FAT1: variants seen among roughly 807,000 people sequenced by gnomAD.
The protein encoded by FAT1 is protocadherin Fat 1.
A neutral mutation model predicts 329.8 loss-of-function variants in FAT1; 171 were observed. The ratio of observed to expected loss-of-function variants is 0.52; its 90% CI spans 0.46 to 0.59. The LOEUF (loss-of-function observed/expected upper bound fraction) is 0.59. Among genes scored for constraint, FAT1 ranks in the 20% least tolerant of loss-of-function variants. FAT1 has a pLI of 0.00. For missense variants in FAT1, 5,672 were observed against 5,774.4 expected (o/e 0.98, Z 0.57); for synonymous variants, 2,233 against 2,228.6 (o/e 1.00, Z -0.06).
intron 1 of FAT1, 144 bp downstream of exon 1, chr4:186,723,520 C>G (rs1745556511): frequency 6.6e-6 from 1 of 152,276 alleles, no homozygotes; most frequent in Non-Finnish European, 1.5e-5. Context: ...CGAGTCACTC[C>G]ACCCTCCGGG....
At position 186,611,416 on chromosome 4, in the gene FAT1, G is replaced by T. The variant is rs771440856; in HGVS notation, c.9823C>A (p.His3275Asn). 1.1e-5 allele frequency: 18 copies of T among 1,613,082 alleles called. No individual in the cohort carries two copies. The East Asian group carries it at 3.6e-4, about 32-fold the overall frequency. The stretch of plus-strand genomic sequence containing the variant: ...TTAGAATCTATGCTGAATTTCCCAT[G>T]TTCATTTCCACTTATTATTGAGTAG... Reference protein sequence around the residue: ...ITYSIISGNEHGKFSIDSKTG... With the variant: ...ITYSIISGNENGKFSIDSKTG... The change falls in exon 14 of 27, where the codon CAT (histidine) becomes AAT (asparagine). Residue 3275 changes from histidine to asparagine, a missense_variant. Physicochemically the swap from His to Asn is moderately conservative, Grantham distance 68. Coordinates refer to ENST00000441802, the MANE Select transcript of FAT1 (RefSeq NM_005245.4).
At chr4:186,722,178 A>G (rs1745497967) in intron 1 of FAT1, among the ~76,000 whole-genome samples, 1 of 152,200 alleles carries the variant, frequency 6.6e-6, no homozygotes, top group Non-Finnish European at 1.5e-5. Context: ...TGTCCGGACC[A>G]TGGATTTAAA....
Position 186,609,840 on chromosome 4 carries a change from G to T in FAT1, c.10029C>A (p.Val3343=). 6.2e-7 allele frequency: 1 copy of T among 1,613,806 alleles called. No homozygotes were observed. Among genetic ancestry groups the T allele is most frequent in the South Asian group, 1.1e-5 (1 of 91,052 alleles). The change falls in exon 15 of 27, where the codon GTC becomes GTA. Residue 3343 remains valine (V), a synonymous_variant. Coordinates refer to ENST00000441802, the MANE Select transcript of FAT1 (RefSeq NM_005245.4). The part of the protein sequence containing the change: ...PVFSQDTYTT[V]ISEDAVLEQS... The stretch of plus-strand genomic sequence containing the variant: ...GCTCAAGAACGGCATCTTCACTGAT[G>T]ACTGTCGTGTAGGTGTCTTGGCTGA...
chr4:186,588,973 G>T lies in FAT1; in HGVS notation c.13386C>A (p.Ile4462=), dbSNP rs747112518. Residue 4462 remains isoleucine, a synonymous_variant, in exon 27 of 27, where the codon ATC becomes ATA. Transcript: ENST00000441802. ...PPEFSNQFES[I]HPPRDMPAAG... Reference sequence around the variant, plus strand: ...CGGCAGGCATGTCTCTAGGAGGGTGGATGGATTCAAACTGATTGCTGAATT... The same window carrying T: ...CGGCAGGCATGTCTCTAGGAGGGTGTATGGATTCAAACTGATTGCTGAATT... The T allele has an allele frequency of 2.0e-5, 32 of 1,613,976 alleles. No individual in the cohort carries two copies. The highest frequency in any genetic ancestry group is 2.7e-5 in the Non-Finnish European group (32 of 1,179,890).
In FAT1 at chr4:186,714,951, G is replaced by A. The variant is rs558665487; in HGVS notation, c.-18-5106C>T. On this transcript the variant is annotated intron_variant, in intron 1 of 26. Coordinates refer to ENST00000441802, the MANE Select transcript of FAT1 (RefSeq NM_005245.4). The stretch of plus-strand genomic sequence containing the variant: ...AAAGTAGCTGGGTGCGGTGGTGTGC[G>A]CCTGTAGTCCCAGCTACTTGGGAGG... Among the ~76,000 whole-genome samples, 12 of 152,174 alleles carry A rather than the reference G, an allele frequency of 7.9e-5. No homozygotes were observed. In the South Asian group the frequency reaches 8.3e-4, roughly 11 times the overall value.
rs2126403718 is a variant in FAT1, at chr4:186,598,137, A to G, written c.12104-12T>C. The G allele has an allele frequency of 3.2e-6, 5 of 1,587,186 alleles. No individual in the cohort carries two copies. The South Asian group carries it at 4.7e-5, about 15-fold the overall frequency. The stretch of plus-strand genomic sequence containing the variant: ...TTTGCAGTAATAACCTAAATCGGCA[A>G]AAAGGAACAAAAAAGTCCTATCACT... On this transcript the variant is annotated splice_polypyrimidine_tract_variant and intron_variant, in intron 22 of 26. Coordinates refer to ENST00000441802, the MANE Select transcript of FAT1 (RefSeq NM_005245.4).
intron 22 of FAT1, among the ~76,000 whole-genome samples, chr4:186,599,096 G>C (rs76400389): frequency 0.02 from 3,065 of 152,298 alleles, 41 homozygotes; most frequent in Non-Finnish European, 0.031. Context: ...TCATCCCTAA[G>C]TGACAAAATG....
At chr4:186,676,955 C>A (rs1742985068) in intron 2 of FAT1, among the ~76,000 whole-genome samples, 1 of 152,126 alleles carries the variant, frequency 6.6e-6, no homozygotes. Context: ...CTGACTGAAG[C>A]AAATAAAAGT....
In FAT1 at chr4:186,628,724, G is replaced by A. The variant is rs2126545340; in HGVS notation, c.4363C>T (p.Gln1455Ter). Residue 1455 changes from glutamine to a stop codon, truncating the protein, a stop_gained, in exon 8 of 27, where the codon CAG (glutamine) becomes TAG (stop). Transcript: ENST00000441802. LOFTEE classifies it high-confidence loss of function. Reference protein sequence around the residue: ...KVIDTNDHRPQFSTSKYEVVI... With the variant: ...KVIDTNDHRP ...ACTTCATACTTTGATGTAGAAAACT[G>A]AGGACGATGGTCATTTGTGTCTATT... 1 of 1,613,762 alleles carries A rather than the reference G, an allele frequency of 6.2e-7. No homozygotes were observed. Among genetic ancestry groups the A allele is most frequent in the Non-Finnish European group, 8.5e-7 (1 of 1,179,866 alleles).
chr4:186,597,889 G>T, intron 23 of FAT1, 83 bp downstream of exon 23: 1 of 1,561,494 alleles, frequency 6.4e-7, no homozygotes, highest in Non-Finnish European at 8.8e-7. Flanking sequence ...GCAAATTAAC[G>T]TGCAGACTTT....
chr4:186,684,497 C>G (rs1464654261), intron 2 of FAT1, among the ~76,000 whole-genome samples: 1 of 152,188 alleles, frequency 6.6e-6, no homozygotes, highest in Admixed American at 6.5e-5. Flanking sequence ...TCCGCCCGAA[C>G]ACTGCCATGC....
chr4:186,610,661 A>ATATAAAT lies in FAT1; in HGVS notation c.9854-647_9854-646insATTTATA, dbSNP rs1560931754. On this transcript the variant is annotated intron_variant, in intron 14 of 26. Coordinates refer to ENST00000441802, the MANE Select transcript of FAT1 (RefSeq NM_005245.4). ...ATTTATATAATTTATATAAATATAA[A>ATATAAAT]TTATATAATTTATATAAATATAAAT... Among the ~76,000 whole-genome samples the ATATAAAT allele has an allele frequency of 1.2e-4, 10 of 83,880 alleles. 1 individual carries two copies. Among genetic ancestry groups the ATATAAAT allele is most frequent in the Admixed American group, 5.1e-4 (4 of 7,894 alleles). The allele number at this position is 83,880 out of a possible 152,430, so 55.0% of individuals were successfully genotyped here.
chr4:186,617,600 T>C, intron 10 of FAT1, 108 bp downstream of exon 10: 2 of 916,382 alleles, frequency 2.2e-6, no homozygotes, highest in Non-Finnish European at 1.6e-6. Flanking sequence ...TATTTTTAAC[T>C]AAAATCATCC....
chr4:186,690,525 G>A (rs534742219), intron 2 of FAT1, among the ~76,000 whole-genome samples: 3 of 152,120 alleles, frequency 2.0e-5, no homozygotes, highest in Admixed American at 6.5e-5. Context: ...GTAAAACTCC[G>A]TCTCTAATAA....
rs1744697995 is a variant in FAT1, at chr4:186,707,606, G to A, written c.2222C>T (p.Ser741Phe). The A allele has an allele frequency of 6.2e-7, 1 of 1,613,980 alleles. No homozygotes were observed. The highest frequency in any genetic ancestry group is 1.3e-5 in the African/African-American group (1 of 75,036). ...PVGSSVIFMN[S>F]TDLDTGFNGK... ...ATTGAAGCCAGTGTCAAGGTCAGTG[G>A]AGTTCATGAAAATTACACTGGAACC... The change falls in exon 2 of 27, where the codon TCC becomes TTC. Residue 741 changes from serine to phenylalanine, a missense_variant. By Grantham distance (155) the Ser-to-Phe change is radical. Coordinates refer to ENST00000441802, the MANE Select transcript of FAT1 (RefSeq NM_005245.4).
chr4:186,642,645 AATGGGTGGCTACGTGCTGCG>A (rs1741157222), intron 3 of FAT1, among the ~76,000 whole-genome samples: 1 of 147,956 alleles, frequency 6.8e-6, no homozygotes, highest in African/African-American at 2.6e-5. Context: ...TAGGTGCTGC[AATGGGTGGCTACGTGCTGCG>A]ATGGGTGGCT....
Position 186,601,317 on chromosome 4 carries a change from C to T in FAT1, c.11592G>A (p.Thr3864=), listed in dbSNP as rs141298894. Residue 3864 remains threonine (T), a synonymous_variant, in exon 21 of 27, where the codon ACG becomes ACA. Coordinates refer to ENST00000441802, the MANE Select transcript of FAT1 (RefSeq NM_005245.4). ...CTCGAGCATACATGACAACCGCATG[C>T]GTGGAATATGTTCTGAGCCTCATGG... ...KLTMRLRTYS[T]HAVVMYARGT... 6.8e-6 allele frequency: 11 copies of T among 1,611,500 alleles called. No homozygotes were observed. The highest frequency in any genetic ancestry group is 2.7e-5 in the African/African-American group (2 of 74,868).
At chr4:186,614,472 T>G in intron 11 of FAT1, 128 bp from the exon 12 acceptor site, 5 of 644,064 alleles carry the variant, frequency 7.8e-6, no homozygotes, top group Non-Finnish European at 1.2e-5. Flanking sequence ...AAAGATAAAA[T>G]CCCAAGAGCT....
chr4:186,692,053 G>A (rs1278371213), intron 2 of FAT1, among the ~76,000 whole-genome samples: 1 of 151,672 alleles, frequency 6.6e-6, no homozygotes, highest in Non-Finnish European at 1.5e-5. Context: ...CCACAAGTTT[G>A]TTTTTCTTCC....
Sources: allele counts gnomAD v4.1 joint callset (sites outside exome capture counted in the v4.1 genomes callset), GRCh38; gene constraint gnomAD v4.1.1; transcripts MANE v1.5; gene names NCBI Gene and HGNC (gene_info 2026-07-23, HGNC 2026-07-21).